RARA: variants seen among roughly 807,000 people sequenced by gnomAD.
RARA encodes the protein PML-DDX5-RARA fusion.
Under a neutral mutation model 42.8 loss-of-function variants are expected in RARA, and 5 were observed. That is an observed-to-expected ratio of 0.12 (90% CI 0.06 to 0.25). RARA has a LOEUF of 0.25. RARA is among the 10% of genes least tolerant of loss of function. RARA has a pLI of 1.00. For synonymous variants in RARA, 256 were observed against 259.5 expected (o/e 0.99, Z 0.13); for missense variants, 402 against 628.7 (o/e 0.64, Z 3.86).
At chr17:40,315,189 C>CACACACACACAA (rs1454556268) in intron 1 of RARA, among the ~76,000 whole-genome samples, 1 of 143,374 alleles carries the variant, frequency 7.0e-6, no homozygotes, top group African/African-American at 2.6e-5. Context: ...CACACACACA[C>CACACACACACAA]ACACACGTAT....
rs376466051 is a variant in RARA, at chr17:40,352,998, TC to T, written c.807+495del. ...GAACCCAGCGGTGAATGCACCACCA[TC>T]CCCTCTCTTGAAAACCTTCCATGTG... On this transcript the variant is annotated intron_variant, in intron 6 of 8. Coordinates refer to ENST00000254066, the MANE Select transcript of RARA (RefSeq NM_000964.4). The surrounding 1 kb of genome is among the most constrained non-coding windows in gnomAD (Gnocchi z 4.9). Among the ~76,000 whole-genome samples the T allele has an allele frequency of 6.6e-5, 10 of 152,224 alleles. No individual in the cohort carries two copies. In the East Asian group the frequency reaches 9.6e-4, roughly 15 times the overall value.
intron 1 of RARA, among the ~76,000 whole-genome samples, chr17:40,327,333 C>G (rs2033575210): frequency 6.6e-6 from 1 of 152,218 alleles, no homozygotes; most frequent in Admixed American, 6.5e-5. Context: ...GCGTGGGTTA[C>G]AGAGGCCTCA....
chr17:40,356,429 G>A lies in RARA; in HGVS notation c.*203G>A. ...CCTCAGTGGACTGCCTGCTCCCACAGCCTGGGCTGACGTCAGAGGCCGAGG... is the reference window on the plus strand; with the variant it reads ...CCTCAGTGGACTGCCTGCTCCCACAACCTGGGCTGACGTCAGAGGCCGAGG... On this transcript the variant is annotated 3_prime_UTR_variant, in exon 9 of 9. Coordinates refer to ENST00000254066, the MANE Select transcript of RARA (RefSeq NM_000964.4). 1 of 731,280 alleles carries A rather than the reference G, an allele frequency of 1.4e-6. No homozygotes were observed. Among genetic ancestry groups the A allele is most frequent in the Non-Finnish European group, 2.4e-6 (1 of 413,056 alleles). The allele number at this position is 731,280 out of a possible 1,614,324, so 45.3% of individuals were successfully genotyped here.
chr17:40,317,722 A>AG (rs1375673775), intron 1 of RARA, among the ~76,000 whole-genome samples: 1 of 150,140 alleles, frequency 6.7e-6, no homozygotes, highest in Non-Finnish European at 1.5e-5. Context: ...TTTTTCTTGC[A>AG]GCTGAGATAA....
At chr17:40,341,879 G>C in intron 2 of RARA, 1 of 1,021,492 alleles carries the variant, frequency 9.8e-7, no homozygotes, top group Non-Finnish European at 1.3e-6. Flanking sequence ...TCCCCTCGCA[G>C]CCCCCTCCTC....
At position 40,355,023 on chromosome 17, in the gene RARA, G is replaced by A. The variant is rs1467775515; in HGVS notation, c.1013-240G>A. Among the ~76,000 whole-genome samples the A allele has an allele frequency of 6.6e-6, 1 of 152,186 alleles. No individual in the cohort carries two copies. Among genetic ancestry groups the A allele is most frequent in the South Asian group, 2.1e-4 (1 of 4,824 alleles). On this transcript the variant is annotated intron_variant, in intron 7 of 8. Coordinates refer to ENST00000254066, the MANE Select transcript of RARA (RefSeq NM_000964.4). The surrounding 1 kb of genome is among the most constrained non-coding windows in gnomAD (Gnocchi z 4.1). ...TTGAGGATGGCACTGCCCATTTGGGGTCCCATCCCACTAACTGGGCTCAGG... is the reference window on the plus strand; with the variant it reads ...TTGAGGATGGCACTGCCCATTTGGGATCCCATCCCACTAACTGGGCTCAGG...
At position 40,352,982 on chromosome 17, in the gene RARA, G is replaced by A. The variant is rs996388112; in HGVS notation, c.807+475G>A. Among the ~76,000 whole-genome samples the A allele has an allele frequency of 1.3e-5, 2 of 152,142 alleles. No homozygotes were observed. The highest frequency in any genetic ancestry group is 2.9e-5 in the Non-Finnish European group (2 of 68,034). ...TCGAGCTGGGTGTCAGGAACCCAGCGGTGAATGCACCACCATCCCCTCTCT... is the reference window on the plus strand; with the variant it reads ...TCGAGCTGGGTGTCAGGAACCCAGCAGTGAATGCACCACCATCCCCTCTCT... On this transcript the variant is annotated intron_variant, in intron 6 of 8. Transcript: ENST00000254066. The surrounding 1 kb of genome is among the most constrained non-coding windows in gnomAD (Gnocchi z 4.9).
At chr17:40,339,556 C>G (rs2033963501) in intron 2 of RARA, among the ~76,000 whole-genome samples, 4 of 152,144 alleles carry the variant, frequency 2.6e-5, no homozygotes. Flanking sequence ...GCCTCTTGCC[C>G]TAGCTTCTCC....
chr17:40,351,893 C>CCCTCTG lies in RARA; in HGVS notation c.470-14_470-9dup. On this transcript the variant is annotated splice_polypyrimidine_tract_variant and intron_variant, in intron 4 of 8. Transcript: ENST00000254066. This position sits in a 1 kb window ranked among gnomAD's most constrained non-coding sequence, Gnocchi z 4.1. ...GCAGCCTGCAGCTGCCCTCTTAACC[C>CCCTCTG]CCTCTGCCCTCCACAGCTGTGAGAA... 1 of 1,602,840 alleles carries CCCTCTG rather than the reference C, an allele frequency of 6.2e-7. No homozygotes were observed. The highest frequency in any genetic ancestry group is 8.5e-7 in the Non-Finnish European group (1 of 1,177,140).
intron 1 of RARA, among the ~76,000 whole-genome samples, chr17:40,327,884 G>C (rs2033588786): frequency 6.6e-6 from 1 of 152,200 alleles, no homozygotes; most frequent in Admixed American, 6.5e-5. Context: ...GAGGGGGCCA[G>C]GGCGGCAACT....
intron 2 of RARA, 29 bp from the exon 3 acceptor site, chr17:40,348,287 T>C (rs1171026151): frequency 6.5e-7 from 1 of 1,529,164 alleles, no homozygotes; most frequent in African/African-American, 1.4e-5. Context: ...CCTAGGTCTC[T>C]AACTGCCCCT....
chr17:40,353,794 G>A (rs1202788363), intron 6 of RARA, among the ~76,000 whole-genome samples: 1 of 152,152 alleles, frequency 6.6e-6, no homozygotes, highest in African/African-American at 2.4e-5. Flanking sequence ...TGCCTGCAGG[G>A]GCTCCCATCC....
At chr17:40,330,485 C>G (rs990668275) in intron 1 of RARA, among the ~76,000 whole-genome samples, 2 of 152,110 alleles carry the variant, frequency 1.3e-5, no homozygotes, top group Non-Finnish European at 1.5e-5. Flanking sequence ...CCTCTTCCCC[C>G]CCAGCACACG....
chr17:40,317,229 G>A (rs2033233259), intron 1 of RARA, among the ~76,000 whole-genome samples: 1 of 152,222 alleles, frequency 6.6e-6, no homozygotes, highest in Non-Finnish European at 1.5e-5. Flanking sequence ...CCAGTGGGAA[G>A]TTCTGTGGGG....
At chr17:40,324,920 G>A (rs893176887) in intron 1 of RARA, among the ~76,000 whole-genome samples, 3 of 152,136 alleles carry the variant, frequency 2.0e-5, no homozygotes, top group Admixed American at 1.3e-4. Flanking sequence ...ACCCTCAGGT[G>A]ATCCTTCTCC....
chr17:40,311,581 A>G (rs1278559100), intron 1 of RARA, among the ~76,000 whole-genome samples: 4 of 152,116 alleles, frequency 2.6e-5, no homozygotes, highest in Non-Finnish European at 5.9e-5. Flanking sequence ...TTTGGCCAGT[A>G]GGTCACATCT....
chr17:40,329,414 C>T (rs2033632154), intron 1 of RARA, among the ~76,000 whole-genome samples: 1 of 152,068 alleles, frequency 6.6e-6, no homozygotes, highest in Non-Finnish European at 1.5e-5. Context: ...TCAAGCGATT[C>T]TCCTGCCTCA....
At chr17:40,340,342 T>C (rs1289553619) in intron 2 of RARA, among the ~76,000 whole-genome samples, 2 of 152,204 alleles carry the variant, frequency 1.3e-5, no homozygotes, top group Non-Finnish European at 2.9e-5. Flanking sequence ...CTTGGAACCT[T>C]TCTATGGCTT....
rs991480404 is a variant in RARA at position 40,352,572 on chromosome 17, A to C, written c.807+65A>C. The C allele has an allele frequency of 7.2e-7, 1 of 1,383,922 alleles. No individual in the cohort carries two copies. Among genetic ancestry groups the C allele is most frequent in the Admixed American group, 2.4e-5 (1 of 40,924 alleles). The allele number at this position is 1,383,922 out of a possible 1,614,324, so 85.7% of individuals were successfully genotyped here. Reference sequence around the variant, plus strand: ...GTCCTGGGTAGATGTCCTTCCAGCCAGACAGCCACCCTCCTAAATGTCTGT... The same window carrying C: ...GTCCTGGGTAGATGTCCTTCCAGCCCGACAGCCACCCTCCTAAATGTCTGT... On this transcript the variant is annotated intron_variant, in intron 6 of 8. Transcript: ENST00000254066. The surrounding 1 kb of genome is among the most constrained non-coding windows in gnomAD (Gnocchi z 4.9).
Sources: gnomAD v4.1 joint callset for allele counts (sites outside exome capture counted in the v4.1 genomes callset) on GRCh38, gnomAD v4.1.1 for gene constraint, Gnocchi (gnomAD v3.1) non-coding constraint, MANE v1.5 for transcripts, NCBI Gene and HGNC (gene_info 2026-07-23, HGNC 2026-07-21) for gene names.